EIF2B3: variants seen among roughly 807,000 people sequenced by gnomAD.
EIF2B3 encodes the protein translation initiation factor eIF2B subunit gamma.
A neutral mutation model predicts 54.1 loss-of-function variants in EIF2B3; 20 were observed. The ratio of observed to expected loss-of-function variants is 0.37; its 90% CI spans 0.26 to 0.54. The LOEUF is 0.54. Ranked by LOEUF, EIF2B3 falls within the 20% of genes least tolerant of loss-of-function variation. The probability of loss-of-function intolerance (pLI) is 0.86; values close to 1 mark genes in which losing one functional copy is unlikely to be tolerated. For synonymous variants in EIF2B3, 153 were observed against 188.1 expected, an observed-to-expected ratio of 0.81 and a Z score of 1.52; for missense variants, 448 against 547.8, an observed-to-expected ratio of 0.82 and a Z score of 1.82.
intron 6 of EIF2B3, among the ~76,000 whole-genome samples, chr1:44,895,541 T>C (rs1346952239): frequency 1.3e-5 from 2 of 151,930 alleles, no homozygotes; most frequent in African/African-American, 2.4e-5. Context: ...TATATATATA[T>C]GTACATATAC....
At chr1:44,984,955 C>T (rs1472851307) in intron 1 of EIF2B3, among the ~76,000 whole-genome samples, 1 of 149,890 alleles carries the variant, frequency 6.7e-6, no homozygotes, top group Admixed American at 6.7e-5. Context: ...TACAGGCACC[C>T]GCCACCGCGC....
chr1:44,904,236 A>T (rs888549171), intron 5 of EIF2B3, among the ~76,000 whole-genome samples: 6 of 152,222 alleles, frequency 3.9e-5, no homozygotes, highest in African/African-American at 1.4e-4. Context: ...ACCCAGTTGC[A>T]CAAAAAAAAG....
chr1:44,929,947 T>C (rs1245555377), intron 4 of EIF2B3, among the ~76,000 whole-genome samples: 1 of 152,214 alleles, frequency 6.6e-6, no homozygotes, highest in Non-Finnish European at 1.5e-5. Flanking sequence ...TTTAGCAAAA[T>C]AGGAATTTCA....
At chr1:44,899,050 G>T (rs1656075145) in intron 5 of EIF2B3, among the ~76,000 whole-genome samples, 1 of 152,096 alleles carries the variant, frequency 6.6e-6, no homozygotes, top group African/African-American at 2.4e-5. Flanking sequence ...TGAACTCCCA[G>T]CCTCAAGCGA....
chr1:44,868,174 G>A (rs1050409075), intron 10 of EIF2B3, among the ~76,000 whole-genome samples: 3 of 152,070 alleles, frequency 2.0e-5, no homozygotes, highest in East Asian at 1.9e-4. Context: ...CGAGGCGAGC[G>A]GATCACAAGA....
chr1:44,950,764 C>A (rs1308031509), intron 3 of EIF2B3, among the ~76,000 whole-genome samples: 1 of 152,202 alleles, frequency 6.6e-6, no homozygotes, highest in Admixed American at 6.5e-5. Flanking sequence ...TCTTGGCTCA[C>A]TGCAACCTCC....
intron 3 of EIF2B3, among the ~76,000 whole-genome samples, chr1:44,966,085 A>C (rs1644335840): frequency 5.3e-5 from 8 of 152,270 alleles, no homozygotes; most frequent in Non-Finnish European, 1.5e-5. Context: ...ACAGTAAGAT[A>C]TGAAAAGGCT....
intron 3 of EIF2B3, among the ~76,000 whole-genome samples, chr1:44,972,249 A>AC (rs1491228091): frequency 6.3e-4 from 46 of 73,144 alleles, no homozygotes; most frequent in African/African-American, 3.1e-3. Context: ...ACACACACAC[A>AC]AACACACACA....
rs765224340 is a variant in EIF2B3, at chr1:44,852,114, A to ATTT, written c.1307-1112_1307-1111insAAA. On this transcript the variant is annotated intron_variant, in intron 11 of 11. Coordinates refer to ENST00000360403, the MANE Select transcript of EIF2B3 (RefSeq NM_020365.5). ...CAGGCATATGACGCCACACATGGCT[A>ATTT]ATTTTTTTTTTTTTTTTTTTTGTAT... Among the ~76,000 whole-genome samples, 6 of 146,330 alleles carry ATTT rather than the reference A, an allele frequency of 4.1e-5. 1 individual carries two copies. The East Asian group carries it at 8.5e-4, about 21-fold the overall frequency.
chr1:44,887,186 G>A (rs567547751), intron 6 of EIF2B3, among the ~76,000 whole-genome samples: 1 of 152,300 alleles, frequency 6.6e-6, no homozygotes, highest in South Asian at 2.1e-4. Flanking sequence ...TCCAGGATTG[G>A]ACTTGATCCA....
At position 44,869,593 on chromosome 1, in the gene EIF2B3, C is replaced by CTTTTTT. The variant is rs60006087; in HGVS notation, c.1202+5079_1202+5084dup. Among the ~76,000 whole-genome samples, 83 of 71,228 alleles carry CTTTTTT rather than the reference C, an allele frequency of 1.2e-3. 1 individual carries two copies. Among genetic ancestry groups the CTTTTTT allele is most frequent in the Non-Finnish European group, 1.5e-3 (60 of 40,938 alleles). The allele number at this position is 71,228 out of a possible 152,430, so 46.7% of individuals were successfully genotyped here. On this transcript the variant is annotated intron_variant, in intron 10 of 11. Coordinates refer to ENST00000360403, the MANE Select transcript of EIF2B3 (RefSeq NM_020365.5). ...AAAATCAGGCACAAAGAGGTAAGGC[C>CTTTTTT]TTTTTTTTTTTTTTTTTTTTTTTTT...
intron 10 of EIF2B3, among the ~76,000 whole-genome samples, chr1:44,868,851 C>T (rs1015912377): frequency 1.3e-5 from 2 of 152,100 alleles, no homozygotes; most frequent in Non-Finnish European, 1.5e-5. Flanking sequence ...GAGGACATGG[C>T]GTAGCAGGGG....
At chr1:44,911,681 G>C (rs1394655155) in intron 5 of EIF2B3, among the ~76,000 whole-genome samples, 1 of 152,118 alleles carries the variant, frequency 6.6e-6, no homozygotes, top group Admixed American at 6.5e-5. Flanking sequence ...TATGAGTCTT[G>C]CTTTTTTGTT....
rs565661506 is a variant in EIF2B3 at position 44,882,700 on chromosome 1, T to G, written c.657-961A>C. ...CATGATCTCAGCTCACTGCAACCTC[T>G]GCCTCCTGGGTTCAAGTGATTCTTG... On this transcript the variant is annotated intron_variant, in intron 6 of 11. Coordinates refer to ENST00000360403, the MANE Select transcript of EIF2B3 (RefSeq NM_020365.5). 5.3e-5 allele frequency among the ~76,000 whole-genome samples: 8 copies of G among 151,302 alleles called. No individual in the cohort carries two copies. In the South Asian group the frequency reaches 1.7e-3, roughly 32 times the overall value.
intron 3 of EIF2B3, 124 bp downstream of exon 3, chr1:44,978,191 A>G: frequency 9.2e-7 from 1 of 1,083,224 alleles, no homozygotes; most frequent in Non-Finnish European, 1.4e-6. Context: ...AGATCACACT[A>G]CTGCACTCCG....
chr1:44,966,337 G>A (rs1644339909), intron 3 of EIF2B3, among the ~76,000 whole-genome samples: 1 of 151,716 alleles, frequency 6.6e-6, no homozygotes, highest in South Asian at 2.1e-4. Flanking sequence ...TACTTGGGAG[G>A]CTGAGACAGG....
At chr1:44,979,439 C>A (rs1367464106) in intron 2 of EIF2B3, among the ~76,000 whole-genome samples, 2 of 146,320 alleles carry the variant, frequency 1.4e-5, no homozygotes, top group Non-Finnish European at 3.0e-5. Flanking sequence ...GAACTCAAGA[C>A]CAGCCTGGGT....
intron 1 of EIF2B3, among the ~76,000 whole-genome samples, chr1:44,984,455 A>T (rs1394670466): frequency 6.6e-6 from 1 of 151,816 alleles, no homozygotes; most frequent in African/African-American, 2.4e-5. Flanking sequence ...TGGGCAACAG[A>T]GTGAGACCCT....
At chr1:44,903,931 G>T (rs961631621) in intron 5 of EIF2B3, among the ~76,000 whole-genome samples, 2 of 152,124 alleles carry the variant, frequency 1.3e-5, no homozygotes, top group African/African-American at 4.8e-5. Flanking sequence ...AAAAAAATTA[G>T]CCAGGTGTGG....
Sources: gnomAD v4.1 joint callset for allele counts (sites outside exome capture counted in the v4.1 genomes callset) on GRCh38, gnomAD v4.1.1 for gene constraint, MANE v1.5 for transcripts, NCBI Gene and HGNC (gene_info 2026-07-23, HGNC 2026-07-21) for gene names.